Variants in PIK3C3 observed in about 807,000 individuals in gnomAD.
PIK3C3 encodes the protein PI3-kinase type 3.
Under a neutral mutation model 126.1 loss-of-function variants are expected in PIK3C3, and 95 were observed. The observed-to-expected ratio is 0.75, with a 90% CI of 0.64 to 0.89. The LOEUF (loss-of-function observed/expected upper bound fraction) is 0.89, where lower values mean the gene tolerates loss of function less well. Among genes scored for constraint, PIK3C3 ranks in the 40% least tolerant of loss-of-function variants. PIK3C3 has a pLI of 0.00. For missense variants in PIK3C3, 829 were observed against 1,063.2 expected, an observed-to-expected ratio of 0.78 and a Z score of 3.06; for synonymous variants, 374 against 360.0, an observed-to-expected ratio of 1.04 and a Z score of -0.44.
In PIK3C3 at chr18:42,057,980, G is replaced by C. The variant is rs771812389; in HGVS notation, c.2361G>C (p.Met787Ile). The C allele has an allele frequency of 6.2e-7, 1 of 1,613,206 alleles. No homozygotes were observed. Among genetic ancestry groups the C allele is most frequent in the East Asian group, 2.2e-5 (1 of 44,828 alleles). The part of the protein sequence containing the change: ...MKLNKEMVEG[M>I]GGTQSEQYQE... The stretch of plus-strand genomic sequence containing the variant: ...TGAATAAAGAAATGGTAGAAGGAAT[G>C]GGGGGCACACAGAGTGAGCAGTACC... The change falls in exon 22 of 25, where the codon ATG becomes ATC. Residue 787 changes from methionine (M) to isoleucine (I), a missense_variant. By Grantham distance (10) the Met-to-Ile change is conservative. Around this residue, in one of 4 missense-constraint regions of PIK3C3, gnomAD observed 196 missense variants for 312.8 expected, o/e 0.63. Transcript: ENST00000262039.
intron 9 of PIK3C3, among the ~76,000 whole-genome samples, chr18:41,998,815 A>G (rs1157625065): frequency 1.3e-5 from 2 of 152,170 alleles, no homozygotes; most frequent in Admixed American, 6.5e-5. Context: ...CACATTTGTA[A>G]CCTTGTAATA....
chr18:42,004,256 C>T (rs549694209), intron 9 of PIK3C3, 100 bp from the exon 10 acceptor site: 7 of 814,120 alleles, frequency 8.6e-6, no homozygotes, highest in African/African-American at 7.0e-5. Flanking sequence ...ATCACTGACT[C>T]CGTGGCTCTG....
At chr18:41,999,766 ATCAGTG>A (rs1982194939) in intron 9 of PIK3C3, among the ~76,000 whole-genome samples, 1 of 152,168 alleles carries the variant, frequency 6.6e-6, no homozygotes, top group African/African-American at 2.4e-5. Flanking sequence ...GGATGACCAG[ATCAGTG>A]TGCTGTGACA....
At position 42,014,723 on chromosome 18, in the gene PIK3C3, A is replaced by G. The variant is rs1982991286; in HGVS notation, c.1326-753A>G. 2.0e-5 allele frequency among the ~76,000 whole-genome samples: 3 copies of G among 152,342 alleles called. No individual in the cohort carries two copies. The South Asian group carries it at 6.2e-4, about 32-fold the overall frequency. The stretch of plus-strand genomic sequence containing the variant: ...AATTTTAGACTTCCTGAATCAGTCC[A>G]GTCATTTAAATTATTACATGAGCTC... On this transcript the variant is annotated intron_variant, in intron 11 of 24. Coordinates refer to ENST00000262039, the MANE Select transcript of PIK3C3 (RefSeq NM_002647.4).
At chr18:42,031,652 A>T (rs1444493151) in intron 15 of PIK3C3, among the ~76,000 whole-genome samples, 2 of 152,132 alleles carry the variant, frequency 1.3e-5, no homozygotes, top group South Asian at 4.1e-4. Flanking sequence ...ACTGACCTCA[A>T]GTGATCTGCC....
intron 15 of PIK3C3, among the ~76,000 whole-genome samples, chr18:42,032,816 C>A (rs1983891406): frequency 6.6e-6 from 1 of 152,018 alleles, no homozygotes; most frequent in Admixed American, 6.5e-5. Flanking sequence ...AAATTCATAC[C>A]AGTTGATTTT....
At chr18:42,073,141 A>G (rs1004884994) in intron 24 of PIK3C3, among the ~76,000 whole-genome samples, 4 of 152,236 alleles carry the variant, frequency 2.6e-5, no homozygotes, top group Admixed American at 6.5e-5. Flanking sequence ...TAAATAACCA[A>G]TAGATTGGGT....
chr18:41,971,754 A>G (rs762526489), intron 4 of PIK3C3, among the ~76,000 whole-genome samples: 36 of 152,028 alleles, frequency 2.4e-4, no homozygotes, highest in Non-Finnish European at 4.3e-4. Context: ...TTAAATTAAA[A>G]AAGAATAAAG....
intron 22 of PIK3C3, among the ~76,000 whole-genome samples, chr18:42,059,381 T>A (rs1229439998): frequency 6.6e-6 from 1 of 152,176 alleles, no homozygotes; most frequent in East Asian, 1.9e-4. Context: ...TTCAGAGAGA[T>A]GAGAGTGCCA....
intron 13 of PIK3C3, 112 bp downstream of exon 13, chr18:42,020,817 C>G (rs776026526): frequency 1.2e-5 from 8 of 646,058 alleles, no homozygotes; most frequent in Non-Finnish European, 1.9e-5. Flanking sequence ...CATCAAAAGT[C>G]TAGATATAGT....
At chr18:42,049,781 C>G (rs1233298947) in intron 21 of PIK3C3, 176 bp downstream of exon 21, 1 of 485,024 alleles carries the variant, frequency 2.1e-6, no homozygotes, top group Non-Finnish European at 3.8e-6. Flanking sequence ...CGAGACCAGC[C>G]TGACCAACAT....
intron 20 of PIK3C3, among the ~76,000 whole-genome samples, chr18:42,044,583 T>A (rs1355222120): frequency 6.6e-6 from 1 of 151,916 alleles, no homozygotes; most frequent in African/African-American, 2.4e-5. Flanking sequence ...ACTTGGATGA[T>A]TTTTTTGTAT....
intron 5 of PIK3C3, among the ~76,000 whole-genome samples, chr18:41,989,958 C>G (rs576734801): frequency 6.6e-6 from 1 of 151,960 alleles, no homozygotes; most frequent in Non-Finnish European, 1.5e-5. Flanking sequence ...TTATAAATTG[C>G]GAAAAACTTG....
Position 42,002,713 on chromosome 18 carries a change from G to A in PIK3C3, c.985-1643G>A, listed in dbSNP as rs536383872. The stretch of plus-strand genomic sequence containing the variant: ...TATTTCTGCTAACAATAGGAAATTT[G>A]TGCTAAGATCACTTCCAACTTGAGC... On this transcript the variant is annotated intron_variant, in intron 9 of 24. Transcript: ENST00000262039. Among the ~76,000 whole-genome samples, 9 of 152,266 alleles carry A rather than the reference G, an allele frequency of 5.9e-5. No homozygotes were observed. The South Asian group carries it at 1.9e-3, about 32-fold the overall frequency.
intron 18 of PIK3C3, among the ~76,000 whole-genome samples, chr18:42,039,444 G>A (rs532554857): frequency 6.6e-6 from 1 of 152,084 alleles, no homozygotes; most frequent in East Asian, 1.9e-4. Context: ...TTTCTCTTTG[G>A]ACAAAGACCC....
intron 24 of PIK3C3, among the ~76,000 whole-genome samples, chr18:42,079,602 T>G (rs1433168751): frequency 1.3e-5 from 2 of 151,754 alleles, no homozygotes; most frequent in Non-Finnish European, 2.9e-5. Context: ...AACAAAACAG[T>G]ATCTGTGAGG....
At chr18:41,976,871 A>G (rs1251520167) in intron 4 of PIK3C3, among the ~76,000 whole-genome samples, 1 of 152,208 alleles carries the variant, frequency 6.6e-6, no homozygotes, top group Non-Finnish European at 1.5e-5. Context: ...CTGTTTATTT[A>G]TGGTTACATA....
In PIK3C3 at chr18:41,996,127, A is replaced by G. The variant is rs75063035; in HGVS notation, c.891+133A>G. 1,036 of 655,944 alleles carry G rather than the reference A, an allele frequency of 1.6e-3. 14 individuals carry two copies. In the East Asian group the frequency reaches 0.022, roughly 14 times the overall value. The allele number at this position is 655,944 out of a possible 1,614,324, so 40.6% of individuals were successfully genotyped here. The stretch of plus-strand genomic sequence containing the variant: ...GGTTGATGAATCCTACATCATGTTC[A>G]TAATTTCACAGATCAGCAGTTCTGT... On this transcript the variant is annotated intron_variant, in intron 8 of 24. Transcript: ENST00000262039.
At chr18:41,985,279 A>G (rs981105164) in intron 4 of PIK3C3, among the ~76,000 whole-genome samples, 9 of 152,194 alleles carry the variant, frequency 5.9e-5, no homozygotes, top group African/African-American at 9.6e-5. Flanking sequence ...TTAGGCCACT[A>G]AGTTTTAGGG....
Sources: gnomAD v4.1 joint callset for allele counts (sites outside exome capture counted in the v4.1 genomes callset) on GRCh38, gnomAD v4.1.1 for gene constraint, gnomAD v4.1.1 regional missense constraint, MANE v1.5 for transcripts, NCBI Gene and HGNC (gene_info 2026-07-23, HGNC 2026-07-21) for gene names.